Variants in ELMO2 observed in about 807,000 individuals in gnomAD.
The protein encoded by ELMO2 is engulfment and cell motility 2.
In ELMO2, 37 loss-of-function variants were observed where a neutral mutation model predicts 96.2. The ratio of observed to expected loss-of-function variants is 0.38; its 90% confidence interval spans 0.30 to 0.51. The LOEUF (loss-of-function observed/expected upper bound fraction) is 0.51. Among genes scored for constraint, ELMO2 ranks in the 20% least tolerant of loss-of-function variants. The pLI is 0.88. For missense variants in ELMO2, 561 were observed against 912.6 expected, an observed-to-expected ratio of 0.61 and a Z score of 4.96; for synonymous variants, 315 against 329.4, an observed-to-expected ratio of 0.96 and a Z score of 0.47.
chr20:46,381,963 A>G (rs2059964659), intron 10 of ELMO2, among the ~76,000 whole-genome samples: 1 of 152,158 alleles, frequency 6.6e-6, no homozygotes, highest in African/African-American at 2.4e-5. Flanking sequence ...GACCCATGCA[A>G]AGGCAAGTTA....
chr20:46,377,423 G>T (rs764302141), intron 11 of ELMO2, among the ~76,000 whole-genome samples: 1 of 151,900 alleles, frequency 6.6e-6, no homozygotes, highest in Non-Finnish European at 1.5e-5. Context: ...TCCACTGGAC[G>T]GTCCTGCTCT....
At chr20:46,406,303 C>T (rs183521491) in intron 1 of ELMO2, among the ~76,000 whole-genome samples, 1 of 152,210 alleles carries the variant, frequency 6.6e-6, no homozygotes, top group East Asian at 1.9e-4. Flanking sequence ...TCTTCCGCCA[C>T]GCGACGCCCC....
Position 46,393,609 on chromosome 20 carries a change from A to C in ELMO2, c.120-8T>G, listed in dbSNP as rs780806071. 1.2e-6 allele frequency: 2 copies of C among 1,613,220 alleles called. No homozygotes were observed. The highest frequency in any genetic ancestry group is 1.7e-5 in the Admixed American group (1 of 60,010). On this transcript the variant is annotated splice_polypyrimidine_tract_variant and splice_region_variant and intron_variant, in intron 4 of 21. Transcript: ENST00000290246. ...GGGTTTGGCAACGACCACCTATGCA[A>C]GAGAAAAACAGTATATCCCACTTGG... is the stretch of plus-strand genomic sequence containing the variant.
intron 2 of ELMO2, among the ~76,000 whole-genome samples, chr20:46,397,032 G>A (rs1345720412): frequency 1.3e-5 from 2 of 152,108 alleles, no homozygotes; most frequent in Admixed American, 6.5e-5. Context: ...CTTTCTGAAC[G>A]CCGTCTTTGG....
At position 46,375,549 on chromosome 20, in the gene ELMO2, T is replaced by C; in HGVS notation, c.930+119A>G. ...GCTCATGGTGCAGATCATGCTAGAT[T>C]TTCTAGGGCAGATGCAAACTACTTC... On this transcript the variant is annotated intron_variant, in intron 12 of 21. Coordinates refer to ENST00000290246, the MANE Select transcript of ELMO2 (RefSeq NM_133171.5). This position sits in a 1 kb window ranked among gnomAD's most constrained non-coding sequence, Gnocchi z 4.6. The C allele has an allele frequency of 2.0e-6, 3 of 1,529,300 alleles. No homozygotes were observed. Among genetic ancestry groups the C allele is most frequent in the Non-Finnish European group, 2.7e-6 (3 of 1,122,522 alleles). The allele number at this position is 1,529,300 out of a possible 1,614,324, so 94.7% of individuals were successfully genotyped here.
In ELMO2 at chr20:46,393,511, G is replaced by A. The variant is rs1292622385; in HGVS notation, c.192+18C>T. On this transcript the variant is annotated intron_variant, in intron 5 of 21. Coordinates refer to ENST00000290246, the MANE Select transcript of ELMO2 (RefSeq NM_133171.5). ...TCCAAGCAAGGCCCATATTGATTTT[G>A]CCTCTCCCTGTACTAACCTGTTCGG... The A allele has an allele frequency of 6.2e-7, 1 of 1,612,144 alleles. No individual in the cohort carries two copies. Among genetic ancestry groups the A allele is most frequent in the African/African-American group, 1.3e-5 (1 of 74,780 alleles).
intron 20 of ELMO2, chr20:46,370,136 T>G: frequency 2.1e-6 from 1 of 484,986 alleles, no homozygotes; most frequent in South Asian, 1.8e-5. Flanking sequence ...GCTAATGGAC[T>G]GGTGGCAATG....
At chr20:46,393,992 G>A in intron 4 of ELMO2, 57 bp downstream of exon 4, 1 of 1,611,534 alleles carries the variant, frequency 6.2e-7, no homozygotes, top group Non-Finnish European at 8.5e-7. Flanking sequence ...TCAAGGTGTA[G>A]GAGTGCTCTT....
In ELMO2 at chr20:46,375,125, A is replaced by G; in HGVS notation, c.1065+111T>C. The G allele has an allele frequency of 7.1e-7, 1 of 1,399,466 alleles. No homozygotes were observed. The highest frequency in any genetic ancestry group is 9.6e-7 in the Non-Finnish European group (1 of 1,038,194). The allele number at this position is 1,399,466 out of a possible 1,614,324, so 86.7% of individuals were successfully genotyped here. On this transcript the variant is annotated intron_variant, in intron 13 of 21. Transcript: ENST00000290246. The surrounding 1 kb of genome is among the most constrained non-coding windows in gnomAD (Gnocchi z 4.6). ...AAGCTCCACCAGCTTCCTAACTGTC[A>G]TCTATTCCAGGGCCACCATGGGGTT... is the stretch of plus-strand genomic sequence containing the variant.
chr20:46,374,098 GTTTTTTTT>G (rs60843274), intron 15 of ELMO2, among the ~76,000 whole-genome samples: 3 of 63,030 alleles, frequency 4.8e-5, no homozygotes, highest in Non-Finnish European at 8.6e-5. Flanking sequence ...CTAATTTTTG[GTTTTTTTT>G]TTTTTTTTTT....
intron 1 of ELMO2, among the ~76,000 whole-genome samples, chr20:46,399,816 G>T (rs1162833306): frequency 7.2e-5 from 11 of 152,174 alleles, no homozygotes; most frequent in Non-Finnish European, 1.5e-4. Flanking sequence ...AGGCTGTCTG[G>T]TGTTCCCTCT....
chr20:46,376,635 C>T (rs745935839), intron 11 of ELMO2: 36 of 1,289,412 alleles, frequency 2.8e-5, no homozygotes, highest in Non-Finnish European at 3.4e-5. Flanking sequence ...ACCATCCTGT[C>T]CTCACTCCCA....
chr20:46,405,449 G>A (rs1252803296), intron 1 of ELMO2, among the ~76,000 whole-genome samples: 2 of 152,182 alleles, frequency 1.3e-5, no homozygotes, highest in Non-Finnish European at 2.9e-5. Context: ...TGTGTGGAGA[G>A]CACTGAGCAA....
chr20:46,385,076 G>A (rs1165097870), intron 9 of ELMO2, among the ~76,000 whole-genome samples: 1 of 152,202 alleles, frequency 6.6e-6, no homozygotes, highest in Non-Finnish European at 1.5e-5. Flanking sequence ...AACAAGTTGG[G>A]AGCATAGCTG....
chr20:46,386,994 A>T (rs2060056701), intron 8 of ELMO2, among the ~76,000 whole-genome samples: 1 of 152,134 alleles, frequency 6.6e-6, no homozygotes, highest in African/African-American at 2.4e-5. Flanking sequence ...AATTTTTTTT[A>T]TATATATACA....
At chr20:46,370,160 G>A (rs1389256804) in intron 20 of ELMO2, 1 of 558,966 alleles carries the variant, frequency 1.8e-6, no homozygotes, top group Non-Finnish European at 3.3e-6. Context: ...TACACTATAC[G>A]ATGTACACTA....
At chr20:46,406,052 T>A (rs1053022462) in intron 1 of ELMO2, among the ~76,000 whole-genome samples, 2 of 152,140 alleles carry the variant, frequency 1.3e-5, no homozygotes, top group African/African-American at 4.8e-5. Context: ...GGAAAGTACA[T>A]GCACCGGGGT....
At chr20:46,373,329 A>C in intron 16 of ELMO2, 70 bp downstream of exon 16, 1 of 1,589,556 alleles carries the variant, frequency 6.3e-7, no homozygotes, top group Non-Finnish European at 8.6e-7. Flanking sequence ...TCCAGGTGCC[A>C]GCCAGCTGTC....
intron 10 of ELMO2, among the ~76,000 whole-genome samples, chr20:46,380,637 T>G (rs1600845400): frequency 6.6e-6 from 1 of 152,134 alleles, no homozygotes; most frequent in Non-Finnish European, 1.5e-5. Flanking sequence ...CACAGAGCAG[T>G]GTGATGGTTT....
Sources: gnomAD v4.1 joint callset for allele counts (sites outside exome capture counted in the v4.1 genomes callset) on GRCh38, gnomAD v4.1.1 for gene constraint, Gnocchi (gnomAD v3.1) non-coding constraint, MANE v1.5 for transcripts, NCBI Gene and HGNC (gene_info 2026-07-23, HGNC 2026-07-21) for gene names.